The following ARL15 variants were observed in gnomAD, a reference collection of about 807,000 sequenced individuals.
ARL15 encodes ARF like GTPase 15.
A neutral mutation model predicts 25.2 loss-of-function variants in ARL15; 19 were observed. The observed-to-expected ratio is 0.75, with a 90% CI of 0.53 to 1.10. ARL15 has a LOEUF of 1.10. Ranked by LOEUF, ARL15 falls within the 50% of genes least tolerant of loss-of-function variation. The pLI is 0.00. For missense variants in ARL15, 220 were observed against 246.0 expected, an observed-to-expected ratio of 0.89 and a Z score of 0.71; for synonymous variants, 94 against 86.8, an observed-to-expected ratio of 1.08 and a Z score of -0.46.
intron 4 of ARL15, among the ~76,000 whole-genome samples, chr5:53,974,815 G>C (rs1187322411): frequency 6.6e-6 from 1 of 152,188 alleles, no homozygotes; most frequent in Non-Finnish European, 1.5e-5. Context: ...AATCTTGAGA[G>C]AGCCCTTGAT....
intron 4 of ARL15, among the ~76,000 whole-genome samples, chr5:54,036,169 A>G (rs541906048): frequency 6.6e-6 from 1 of 151,770 alleles, no homozygotes; most frequent in East Asian, 1.9e-4. Flanking sequence ...AAAAAAAAAA[A>G]GGGATTTTGA....
intron 4 of ARL15, among the ~76,000 whole-genome samples, chr5:54,094,592 A>C (rs1349624325): frequency 6.6e-6 from 1 of 151,432 alleles, no homozygotes; most frequent in African/African-American, 2.5e-5. Context: ...ATAATACCTT[A>C]ATAATAATTC....
chr5:54,130,953 T>C (rs1049865544), intron 3 of ARL15, among the ~76,000 whole-genome samples: 10 of 152,192 alleles, frequency 6.6e-5, no homozygotes, highest in African/African-American at 2.2e-4. Context: ...CAGCTTTAAA[T>C]TGAATTTGAG....
chr5:54,241,172 C>T lies in ARL15; in HGVS notation c.49-69244G>A, dbSNP rs532791643. On this transcript the variant is annotated intron_variant, in intron 1 of 4. Coordinates refer to ENST00000504924, the MANE Select transcript of ARL15 (RefSeq NM_019087.3). ...TAAGCCTGCCTATGTTTATACCGTT[C>T]TGTCCATAAAGAAAGAAAGAAAAAA... 3.3e-5 allele frequency among the ~76,000 whole-genome samples: 5 copies of T among 152,194 alleles called. No homozygotes were observed. The East Asian group carries it at 7.7e-4, about 24-fold the overall frequency.
intron 4 of ARL15, among the ~76,000 whole-genome samples, chr5:53,947,803 T>C (rs1286586980): frequency 1.3e-5 from 2 of 151,890 alleles, no homozygotes; most frequent in African/African-American, 4.8e-5. Context: ...CAACTTAAGT[T>C]TTACAAAGAG....
At chr5:54,144,085 T>C (rs1308934108) in intron 3 of ARL15, among the ~76,000 whole-genome samples, 1 of 152,106 alleles carries the variant, frequency 6.6e-6, no homozygotes, top group Admixed American at 6.6e-5. Flanking sequence ...TGTGTGTGTG[T>C]ATGTGTGAAA....
chr5:54,017,921 C>T (rs1347505000), intron 4 of ARL15, among the ~76,000 whole-genome samples: 1 of 151,920 alleles, frequency 6.6e-6, no homozygotes, highest in Non-Finnish European at 1.5e-5. Context: ...AATAAACCAC[C>T]ACATTACTAG....
intron 1 of ARL15, among the ~76,000 whole-genome samples, chr5:54,210,350 T>A: frequency 6.6e-6 from 1 of 152,332 alleles, no homozygotes; most frequent in East Asian, 1.9e-4. Flanking sequence ...CTATTATCTA[T>A]TTTATTTTAC....
chr5:54,108,972 T>C (rs1429663705), intron 4 of ARL15, among the ~76,000 whole-genome samples: 18 of 152,066 alleles, frequency 1.2e-4, no homozygotes, highest in Admixed American at 1.2e-3. Flanking sequence ...AAATAAAACA[T>C]GGTCTAAAAA....
At chr5:54,118,453 T>C (rs1345224890) in intron 3 of ARL15, among the ~76,000 whole-genome samples, 2 of 152,216 alleles carry the variant, frequency 1.3e-5, no homozygotes, top group Non-Finnish European at 2.9e-5. Flanking sequence ...TATATTAACA[T>C]GTTATGAGCT....
intron 1 of ARL15, among the ~76,000 whole-genome samples, chr5:54,193,073 G>A (rs1208025168): frequency 5.5e-4 from 83 of 152,248 alleles, no homozygotes; most frequent in Non-Finnish European, 2.9e-5. Flanking sequence ...GCTCTGGAGA[G>A]CCAAACTAGA....
chr5:54,024,265 A>T (rs255753), intron 4 of ARL15, among the ~76,000 whole-genome samples: 99,909 of 152,050 alleles, frequency 0.66, 33,062 homozygotes, highest in East Asian at 0.84. Context: ...AGTACACAGG[A>T]TCTTTCTCAG....
At chr5:53,984,596 A>G (rs1748227892) in intron 4 of ARL15, among the ~76,000 whole-genome samples, 1 of 152,160 alleles carries the variant, frequency 6.6e-6, no homozygotes, top group South Asian at 2.1e-4. Context: ...CATCATCAAC[A>G]ATAACCACCT....
chr5:54,140,403 C>T (rs982452525), intron 3 of ARL15, among the ~76,000 whole-genome samples: 2 of 148,700 alleles, frequency 1.3e-5, no homozygotes, highest in Admixed American at 6.7e-5. Context: ...TATATATATG[C>T]GTGTGTGGAT....
chr5:54,122,548 T>C (rs775794276), intron 3 of ARL15, among the ~76,000 whole-genome samples: 2 of 152,268 alleles, frequency 1.3e-5, no homozygotes, highest in Non-Finnish European at 1.5e-5. Flanking sequence ...GACATTTCTC[T>C]TTCTTTTGTT....
intron 4 of ARL15, among the ~76,000 whole-genome samples, chr5:54,078,274 G>T (rs995863381): frequency 1.3e-5 from 2 of 152,070 alleles, no homozygotes; most frequent in African/African-American, 2.4e-5. Flanking sequence ...TAGGATATAC[G>T]TTGTGCTTAC....
At chr5:53,912,703 C>T (rs1745503913) in intron 4 of ARL15, among the ~76,000 whole-genome samples, 1 of 152,158 alleles carries the variant, frequency 6.6e-6, no homozygotes, top group South Asian at 2.1e-4. Flanking sequence ...CATGTGAGGT[C>T]CACAAGAGAC....
rs71600812 is a variant in ARL15, at chr5:54,209,333, A to AAGAG, written c.49-37409_49-37406dup. Among the ~76,000 whole-genome samples, 7 of 148,656 alleles carry AAGAG rather than the reference A, an allele frequency of 4.7e-5. No homozygotes were observed. The South Asian group carries it at 6.5e-4, about 14-fold the overall frequency. On this transcript the variant is annotated intron_variant, in intron 1 of 4. Transcript: ENST00000504924. ...TGATGGTGGTAAATATAAAAAGAGA[A>AAGAG]AGAGAGAGAGAGAGAGAGAGAGGCT...
At chr5:53,934,954 G>T (rs1390750452) in intron 4 of ARL15, among the ~76,000 whole-genome samples, 1 of 152,160 alleles carries the variant, frequency 6.6e-6, no homozygotes. Flanking sequence ...GGCTAATTAT[G>T]CAGAAAAGCA....
Sources: allele counts gnomAD v4.1 joint callset (sites outside exome capture counted in the v4.1 genomes callset), GRCh38; gene constraint gnomAD v4.1.1; transcripts MANE v1.5; gene names NCBI Gene and HGNC (gene_info 2026-07-23, HGNC 2026-07-21).